The following LRFN2 variants were observed in gnomAD, a reference collection of about 807,000 sequenced individuals.
LRFN2 encodes the protein leucine-rich repeat and fibronectin type-III domain-containing protein 2.
A neutral mutation model predicts 37.3 loss-of-function variants in LRFN2; 18 were observed. The ratio of observed to expected loss-of-function variants is 0.48; its 90% CI spans 0.33 to 0.72. The LOEUF (loss-of-function observed/expected upper bound fraction) is 0.72, where lower values mean the gene tolerates loss of function less well. LRFN2 is among the 30% of genes least tolerant of loss of function. The pLI is 0.02. For missense variants in LRFN2, 1,006 were observed against 1,060.7 expected (o/e 0.95, Z 0.72); for synonymous variants, 556 against 466.6 (o/e 1.19, Z -2.47).
intron 2 of LRFN2, among the ~76,000 whole-genome samples, chr6:40,405,301 T>C (rs1257104729): frequency 6.6e-6 from 1 of 152,180 alleles, no homozygotes; most frequent in African/African-American, 2.4e-5. Context: ...GGAGTCAGAC[T>C]GTAGGGTTCC....
At chr6:40,407,974 C>G (rs565580959) in intron 2 of LRFN2, 2 of 152,788 alleles carry the variant, frequency 1.3e-5, no homozygotes, top group African/African-American at 4.8e-5. Context: ...CATGCTACAA[C>G]TTGTGTGAAT....
intron 1 of LRFN2, among the ~76,000 whole-genome samples, chr6:40,504,762 A>T (rs1454964094): frequency 6.6e-6 from 1 of 152,098 alleles, no homozygotes; most frequent in Non-Finnish European, 1.5e-5. Context: ...GCCCTTTTCA[A>T]TTTCCAAAGC....
intron 1 of LRFN2, among the ~76,000 whole-genome samples, chr6:40,564,983 A>G (rs1285259159): frequency 3.9e-5 from 6 of 152,182 alleles, no homozygotes; most frequent in Admixed American, 3.9e-4. Context: ...CATTTGAGAC[A>G]AAGACTCAGA....
chr6:40,537,845 C>T (rs1446614454), intron 1 of LRFN2, among the ~76,000 whole-genome samples: 1 of 152,076 alleles, frequency 6.6e-6, no homozygotes, highest in African/African-American at 2.4e-5. Flanking sequence ...AGGGGCTAAG[C>T]ACAGGACCCC....
chr6:40,468,887 G>T (rs1046875428), intron 1 of LRFN2, among the ~76,000 whole-genome samples: 11 of 152,186 alleles, frequency 7.2e-5, no homozygotes, highest in Non-Finnish European at 1.6e-4. Flanking sequence ...GCAGTGAGTG[G>T]CATGCAGGGG....
intron 1 of LRFN2, among the ~76,000 whole-genome samples, chr6:40,487,862 C>T (rs778462318): frequency 5.9e-5 from 9 of 152,044 alleles, no homozygotes; most frequent in Admixed American, 2.0e-4. Context: ...TTCTCTGCAT[C>T]CCCTGAGCAG....
intron 2 of LRFN2, among the ~76,000 whole-genome samples, chr6:40,417,056 C>T (rs1455816608): frequency 6.6e-6 from 1 of 152,186 alleles, no homozygotes; most frequent in African/African-American, 2.4e-5. Flanking sequence ...CCTTCCAGCC[C>T]CCGGCCCCTG....
intron 2 of LRFN2, among the ~76,000 whole-genome samples, chr6:40,399,202 T>A (rs1304101747): frequency 6.6e-6 from 1 of 151,690 alleles, no homozygotes; most frequent in African/African-American, 2.4e-5. Context: ...CACATTAGGA[T>A]CTTAGTCACT....
At chr6:40,465,829 C>A (rs1229511209) in intron 1 of LRFN2, among the ~76,000 whole-genome samples, 2 of 152,250 alleles carry the variant, frequency 1.3e-5, no homozygotes, top group East Asian at 3.9e-4. Flanking sequence ...ACTGTCCACC[C>A]AGAGAAGAAC....
chr6:40,539,383 A>G (rs1247557705), intron 1 of LRFN2, among the ~76,000 whole-genome samples: 3 of 152,320 alleles, frequency 2.0e-5, no homozygotes, highest in Non-Finnish European at 2.9e-5. Context: ...GCGTAAGCCA[A>G]TACTGTTTGG....
In LRFN2 at chr6:40,435,014, CATATATATATATATATATAT is replaced by C. The variant is rs368583078; in HGVS notation, c.-18-1903_-18-1884del. The stretch of plus-strand genomic sequence containing the variant: ...ATCCCTTTCTTGAGCAATGGTTTTA[CATATATATATATATATATAT>C]ATATATATATATATATATAGAGAGA... On this transcript the variant is annotated intron_variant, in intron 1 of 2. Transcript: ENST00000338305. 6.5e-4 allele frequency among the ~76,000 whole-genome samples: 31 copies of C among 48,010 alleles called. 1 individual carries two copies. Among genetic ancestry groups the C allele is most frequent in the African/African-American group, 1.6e-3 (24 of 15,294 alleles). 31.5% of individuals were successfully genotyped at this position (48,010 alleles called of 152,430 possible).
intron 2 of LRFN2, among the ~76,000 whole-genome samples, chr6:40,416,484 C>T (rs1763095434): frequency 1.3e-5 from 2 of 152,240 alleles, no homozygotes; most frequent in Admixed American, 6.5e-5. Flanking sequence ...GAGCGTTGGC[C>T]TGGATGAGCT....
chr6:40,575,536 C>T (rs1767262566), intron 1 of LRFN2, among the ~76,000 whole-genome samples: 1 of 152,206 alleles, frequency 6.6e-6, no homozygotes, highest in African/African-American at 2.4e-5. Flanking sequence ...GGGGCCCTAA[C>T]CATCTGTGGA....
intron 1 of LRFN2, among the ~76,000 whole-genome samples, chr6:40,532,019 A>G (rs1766353637): frequency 6.6e-6 from 1 of 152,248 alleles, no homozygotes; most frequent in Admixed American, 6.5e-5. Context: ...CAGTTCCTGC[A>G]TATATGGAAG....
intron 1 of LRFN2, among the ~76,000 whole-genome samples, chr6:40,581,963 G>A (rs993515015): frequency 6.6e-6 from 1 of 152,216 alleles, no homozygotes; most frequent in Non-Finnish European, 1.5e-5. Context: ...GACTAAAGCC[G>A]CCTTAACAGG....
chr6:40,465,382 C>T (rs1252214950), intron 1 of LRFN2, among the ~76,000 whole-genome samples: 2 of 152,174 alleles, frequency 1.3e-5, no homozygotes, highest in Non-Finnish European at 1.5e-5. Context: ...GAAACTAATG[C>T]ACTCCTGGAA....
chr6:40,514,797 C>T (rs1391651266), intron 1 of LRFN2, among the ~76,000 whole-genome samples: 1 of 152,230 alleles, frequency 6.6e-6, no homozygotes, highest in Non-Finnish European at 1.5e-5. Context: ...CTCTCCCACC[C>T]TCATAATACC....
At chr6:40,508,875 T>C (rs1765615551) in intron 1 of LRFN2, among the ~76,000 whole-genome samples, 2 of 152,214 alleles carry the variant, frequency 1.3e-5, no homozygotes. Flanking sequence ...ATCATGATCT[T>C]GGATATGCCA....
Position 40,392,768 on chromosome 6 carries a change from G to A in LRFN2, c.1545C>T (p.Thr515=). The A allele has an allele frequency of 1.9e-6, 3 of 1,614,180 alleles. No homozygotes were observed. The highest frequency in any genetic ancestry group is 1.7e-6 in the Non-Finnish European group (2 of 1,180,018). ...TNIVGCAQFF[T]KADYPQCQSM... is the part of the protein sequence containing the mutation. ...ACTGGCACTGCGGGTAGTCAGCCTTGGTGAAGAACTGGGCGCAGCCCACGA... is the reference window on the plus strand; with the variant it reads ...ACTGGCACTGCGGGTAGTCAGCCTTAGTGAAGAACTGGGCGCAGCCCACGA... The change falls in exon 3 of 3, where the codon ACC becomes ACT. Residue 515 remains threonine, a synonymous_variant. Transcript: ENST00000338305. This position sits in a 1 kb window ranked among gnomAD's most constrained non-coding sequence, Gnocchi z 4.7.
Sources: allele counts gnomAD v4.1 joint callset (sites outside exome capture counted in the v4.1 genomes callset), GRCh38; gene constraint gnomAD v4.1.1; non-coding constraint Gnocchi (gnomAD v3.1); transcripts MANE v1.5; gene names NCBI Gene and HGNC (gene_info 2026-07-23, HGNC 2026-07-21).